Variants in EARS2 observed in about 807,000 individuals in gnomAD.
The protein encoded by EARS2 is glutamyl-tRNA synthetase 2, mitochondrial.
EARS2 carries 50 observed loss-of-function variants against 54.1 expected under a neutral mutation model. The ratio of observed to expected loss-of-function variants is 0.92; its 90% CI spans 0.74 to 1.17. EARS2 has a LOEUF of 1.17. Ranked by LOEUF, EARS2 falls within the 50% of genes most tolerant of loss-of-function variation. EARS2 has a pLI of 0.00. For synonymous variants in EARS2, 298 were observed against 281.0 expected (o/e 1.06, Z -0.61); for missense variants, 673 against 675.0 (o/e 1.00, Z 0.03).
In EARS2 at chr16:23,535,134, G is replaced by C. The variant is rs1425620440; in HGVS notation, c.712C>G (p.His238Asp). 5.6e-6 allele frequency: 9 copies of C among 1,612,808 alleles called. No individual in the cohort carries two copies. The highest frequency in any genetic ancestry group is 1.3e-5 in the African/African-American group (1 of 74,894). The part of the protein sequence containing the change: ...YHLACVVDDH[H>D]MGISHVLRGS... ...CGCAGCACGTGGCTGATGCCCATGT[G>C]GTGGTCGTCCACCACGCAGGCCAGG... Residue 238 changes from histidine to aspartate, a missense_variant, in exon 4 of 9, where the codon CAC becomes GAC. His to Asp is a moderately conservative substitution (Grantham distance 81, BLOSUM62 -1). This residue lies in a region of EARS2 where 338 missense variants were observed against 361.2 expected (regional missense o/e 0.94). Coordinates refer to ENST00000449606, the MANE Select transcript of EARS2 (RefSeq NM_001083614.2).
chr16:23,536,804 T>A (rs1965427607), intron 3 of EARS2, among the ~76,000 whole-genome samples: 1 of 149,430 alleles, frequency 6.7e-6, no homozygotes, highest in Admixed American at 6.7e-5. Flanking sequence ...TGCCTCAGCC[T>A]CCTGAGTAGC....
intron 3 of EARS2, among the ~76,000 whole-genome samples, chr16:23,543,254 T>C (rs1965545437): frequency 6.6e-6 from 1 of 151,238 alleles, no homozygotes; most frequent in Admixed American, 6.6e-5. Context: ...TCCCCATCTT[T>C]ATGAAAAGTT....
chr16:23,549,560 C>T (rs1965659823), intron 2 of EARS2, among the ~76,000 whole-genome samples: 1 of 152,238 alleles, frequency 6.6e-6, no homozygotes, highest in Admixed American at 6.5e-5. Flanking sequence ...CTTCCCCAGG[C>T]TCAGGTGATG....
In EARS2 at chr16:23,543,117, C is replaced by CAAAAA. The variant is rs35137770; in HGVS notation, c.485+1392_485+1396dup. 5.6e-5 allele frequency among the ~76,000 whole-genome samples: 4 copies of CAAAAA among 71,978 alleles called. 1 individual carries two copies. The highest frequency in any genetic ancestry group is 1.3e-4 in the African/African-American group (2 of 15,282). 47.2% of individuals were successfully genotyped at this position (71,978 alleles called of 152,430 possible). A position where few individuals can be genotyped will look rare whatever the true frequency, so the allele number is the denominator to read the frequency against. ...GTAGCAGAGCAAGACTCTGTCTCAC[C>CAAAAA]AAAAAAAAAAAAAAAAAAAAGTCAG... is the stretch of plus-strand genomic sequence containing the variant. On this transcript the variant is annotated intron_variant, in intron 3 of 8. Coordinates refer to ENST00000449606, the MANE Select transcript of EARS2 (RefSeq NM_001083614.2).
In EARS2 at chr16:23,523,971, T is replaced by C. The variant is rs78770424; in HGVS notation, c.*400A>G. ...TGATCTTGAACTTCTAGCCTCCAAATGTGAGAAAATAAATCTCTGTTGTTT... is the reference window on the plus strand; with the variant it reads ...TGATCTTGAACTTCTAGCCTCCAAACGTGAGAAAATAAATCTCTGTTGTTT... On this transcript the variant is annotated 3_prime_UTR_variant, in exon 9 of 9. Coordinates refer to ENST00000449606, the MANE Select transcript of EARS2 (RefSeq NM_001083614.2). 0.023 allele frequency: 2,430 copies of C among 107,378 alleles called. 24 individuals carry two copies. Among genetic ancestry groups the C allele is most frequent in the South Asian group, 0.029 (117 of 4,050 alleles). The allele number at this position is 107,378 out of a possible 1,614,324, so 6.7% of individuals were successfully genotyped here.
intron 3 of EARS2, among the ~76,000 whole-genome samples, chr16:23,541,321 C>T (rs955041162): frequency 1.3e-5 from 2 of 152,056 alleles, no homozygotes; most frequent in African/African-American, 4.8e-5. Context: ...AGCAAGACTC[C>T]ATTTCTAAAA....
intron 2 of EARS2, among the ~76,000 whole-genome samples, chr16:23,548,682 G>C (rs1965645650): frequency 6.6e-6 from 1 of 152,116 alleles, no homozygotes; most frequent in Non-Finnish European, 1.5e-5. Context: ...TAGGCAGTCA[G>C]GGACAGGTCC....
upstream of EARS2, chr16:23,557,356 A>G: frequency 1.9e-6 from 3 of 1,540,144 alleles, no homozygotes; most frequent in Non-Finnish European, 2.6e-6. Flanking sequence ...GGGATGGAAT[A>G]GCACACGTGG....
intron 3 of EARS2, among the ~76,000 whole-genome samples, chr16:23,538,951 C>G (rs1965468634): frequency 6.7e-6 from 1 of 149,688 alleles, no homozygotes; most frequent in African/African-American, 2.5e-5. Flanking sequence ...GTAATACATT[C>G]TCAACAGTTA....
intron 4 of EARS2, among the ~76,000 whole-genome samples, chr16:23,533,183 C>T (rs1597011986): frequency 1.3e-5 from 2 of 152,168 alleles, no homozygotes; most frequent in African/African-American, 4.8e-5. Context: ...ACTCAGGAAG[C>T]TGAGGCAGGA....
chr16:23,548,233 CAATAAATAAATA>C (rs10687580), intron 2 of EARS2, among the ~76,000 whole-genome samples: 12,100 of 135,408 alleles, frequency 0.089, 884 homozygotes, highest in African/African-American at 0.2. Context: ...GACTCCATCT[CAATAAATAAATA>C]AATAAATAAA....
intron 1 of EARS2, among the ~76,000 whole-genome samples, chr16:23,554,404 T>C (rs1965743676): frequency 6.6e-6 from 1 of 152,152 alleles, no homozygotes; most frequent in African/African-American, 2.4e-5. Context: ...CAGTTTAAAC[T>C]CCTAAGATTT....
rs1308087890 is a variant in EARS2, at chr16:23,544,784, T to C, written c.296-81A>G. On this transcript the variant is annotated intron_variant, in intron 2 of 8. Coordinates refer to ENST00000449606, the MANE Select transcript of EARS2 (RefSeq NM_001083614.2). ...TTGCTCTAAGCACTTTATGCACATA[T>C]TAAAGCTTTAATCCTCATAACAATC... 7.2e-6 allele frequency: 9 copies of C among 1,248,748 alleles called. No homozygotes were observed. In the Admixed American group the frequency reaches 7.9e-5, roughly 11 times the overall value. The allele number at this position is 1,248,748 out of a possible 1,614,324, so 77.4% of individuals were successfully genotyped here. A position where few individuals can be genotyped will look rare whatever the true frequency, so the allele number is the denominator to read the frequency against.
At chr16:23,557,371 C>T (rs565981727), upstream of EARS2, 1 of 1,536,710 alleles carries the variant, frequency 6.5e-7, no homozygotes, top group East Asian at 2.4e-5. Context: ...ACGTGGGCTT[C>T]TCCCTGCGTC....
intron 2 of EARS2, 102 bp downstream of exon 2, chr16:23,552,047 A>C: frequency 2.8e-6 from 4 of 1,427,122 alleles, no homozygotes; most frequent in Non-Finnish European, 3.8e-6. Flanking sequence ...TTCTCCAGGA[A>C]CTCCCCATTT....
In EARS2 at chr16:23,521,357, A is replaced by G. The variant is rs1224151978; in HGVS notation, c.*3014T>C. 3.3e-5 allele frequency among the ~76,000 whole-genome samples: 5 copies of G among 152,260 alleles called. No homozygotes were observed. Among genetic ancestry groups the G allele is most frequent in the African/African-American group, 7.2e-5 (3 of 41,542 alleles). ...ATTTTGATTATTTTAAGTAATTCAAATAAGTAGAATCTTACAGTATCTATC... is the reference window on the plus strand; with the variant it reads ...ATTTTGATTATTTTAAGTAATTCAAGTAAGTAGAATCTTACAGTATCTATC... On this transcript the variant is annotated 3_prime_UTR_variant, in exon 9 of 9. Transcript: ENST00000449606.
At chr16:23,547,159 C>T (rs1965616547) in intron 2 of EARS2, among the ~76,000 whole-genome samples, 1 of 150,832 alleles carries the variant, frequency 6.6e-6, no homozygotes, top group Admixed American at 6.6e-5. Flanking sequence ...TGTGGTATAA[C>T]CATATGATGA....
chr16:23,539,048 G>A (rs1305042336), intron 3 of EARS2, among the ~76,000 whole-genome samples: 9 of 137,088 alleles, frequency 6.6e-5, no homozygotes, highest in African/African-American at 2.5e-4. Context: ...CACAATCTCA[G>A]CTCACTGCAA....
chr16:23,528,187 GA>G (rs1965263150), intron 7 of EARS2, among the ~76,000 whole-genome samples: 1 of 152,178 alleles, frequency 6.6e-6, no homozygotes, highest in Non-Finnish European at 1.5e-5. Context: ...GTCTGTTGTT[GA>G]AGCCACCAGT....
Sources: allele counts gnomAD v4.1 joint callset (sites outside exome capture counted in the v4.1 genomes callset), GRCh38; gene constraint gnomAD v4.1.1; regional missense constraint gnomAD v4.1.1; transcripts MANE v1.5; gene names NCBI Gene and HGNC (gene_info 2026-07-23, HGNC 2026-07-21).